Variants in ERI1 observed in about 807,000 individuals in gnomAD.
ERI1 encodes exoribonuclease 1.
Under a neutral mutation model 39.7 loss-of-function variants are expected in ERI1, and 39 were observed. That is an observed-to-expected ratio of 0.98 (90% CI 0.76 to 1.28). The LOEUF is 1.28. ERI1 is among the 50% of genes most tolerant of loss of function. The pLI, the probability that ERI1 is intolerant of heterozygous loss-of-function variation, is 0.00. For missense variants in ERI1, 581 were observed against 416.9 expected (o/e 1.39, Z -3.43); for synonymous variants, 204 against 149.6 (o/e 1.36, Z -2.65).
Position 9,068,458 on chromosome 8 carries a change from T to C in ERI1, n.300-47890T>C, listed in dbSNP as rs559032714. On this transcript the variant is annotated intron_variant and non_coding_transcript_variant, in intron 3 of 3. Transcript: ENST00000518663. The stretch of plus-strand genomic sequence containing the variant: ...CTCAAGTGATCCTCCTGCCTTGGCC[T>C]CCCTAGTAGCTAGAAGTACAGGTGT... Among the ~76,000 whole-genome samples the C allele has an allele frequency of 4.2e-4, 64 of 152,224 alleles. 1 individual carries two copies. The highest frequency in any genetic ancestry group is 7.6e-4 in the Non-Finnish European group (52 of 68,006).
intron 2 of ERI1, 100 bp downstream of exon 2, chr8:9,008,248 T>A: frequency 9.6e-7 from 1 of 1,045,268 alleles, no homozygotes; most frequent in Non-Finnish European, 1.3e-6. Flanking sequence ...AATCCTACCG[T>A]AATGACATGA....
In ERI1 at chr8:9,031,583, A is replaced by G. The variant is rs1563340952; in HGVS notation, c.*1549A>G. The G allele has an allele frequency of 6.6e-6, 1 of 152,242 alleles. No homozygotes were observed. The highest frequency in any genetic ancestry group is 2.4e-5 in the African/African-American group (1 of 41,472). 9.4% of individuals were successfully genotyped at this position (152,242 alleles called of 1,614,324 possible). A position where few individuals can be genotyped will look rare whatever the true frequency, so the allele number is the denominator to read the frequency against. On this transcript the variant is annotated 3_prime_UTR_variant, in exon 7 of 7. Coordinates refer to ENST00000250263, the MANE Select transcript of ERI1 (RefSeq NM_153332.4). Reference sequence around the variant, plus strand: ...ACCTGTAAAGTATTACTGAATACTGAATAGCTGAAACTGCAATTGGAAAAT... The same window carrying G: ...ACCTGTAAAGTATTACTGAATACTGGATAGCTGAAACTGCAATTGGAAAAT...
At chr8:9,067,071 A>C (rs902833985) in intron 3 of ERI1, among the ~76,000 whole-genome samples, 3 of 152,176 alleles carry the variant, frequency 2.0e-5, no homozygotes, top group Non-Finnish European at 4.4e-5. Context: ...AATCATTCTC[A>C]TTGCCCTACC....
downstream of ERI1, among the ~76,000 whole-genome samples, chr8:9,038,164 T>C (rs546793767): frequency 1.3e-5 from 2 of 152,348 alleles, no homozygotes; most frequent in Non-Finnish European, 2.9e-5. Context: ...TACCATCATC[T>C]GCATAGAAAA....
intron 3 of ERI1, among the ~76,000 whole-genome samples, chr8:9,089,272 A>T (rs1049971997): frequency 2.0e-5 from 3 of 152,172 alleles, no homozygotes; most frequent in African/African-American, 4.8e-5. Flanking sequence ...ATTTAATTTT[A>T]AAAATATTTA....
At chr8:9,014,981 G>A (rs537548095) in intron 3 of ERI1, among the ~76,000 whole-genome samples, 6 of 152,214 alleles carry the variant, frequency 3.9e-5, no homozygotes, top group South Asian at 2.1e-4. Context: ...GGAACTATAC[G>A]TGCATGCCAC....
chr8:9,087,872 T>C (rs1233114316), intron 3 of ERI1, among the ~76,000 whole-genome samples: 1 of 152,158 alleles, frequency 6.6e-6, no homozygotes, highest in African/African-American at 2.4e-5. Flanking sequence ...CTGGGTGGGA[T>C]GGTCAATCAC....
chr8:9,004,845 G>A (rs886368771), intron 1 of ERI1, among the ~76,000 whole-genome samples: 7 of 151,832 alleles, frequency 4.6e-5, no homozygotes, highest in Non-Finnish European at 8.8e-5. Flanking sequence ...CCACCACCAC[G>A]CTTGGCTAGT....
chr8:9,027,596 A>G (rs1787913426), intron 6 of ERI1, among the ~76,000 whole-genome samples: 1 of 152,128 alleles, frequency 6.6e-6, no homozygotes, highest in Non-Finnish European at 1.5e-5. Context: ...TATTCTAAGA[A>G]TTTTATAATT....
intron 3 of ERI1, among the ~76,000 whole-genome samples, chr8:9,090,699 G>A (rs1334505679): frequency 1.3e-5 from 2 of 152,180 alleles, no homozygotes; most frequent in African/African-American, 4.8e-5. Context: ...GTTATAGATT[G>A]TGCTTTAGAA....
chr8:9,014,951 C>T lies in ERI1; in HGVS notation c.499-1371C>T, dbSNP rs28428643. ...CTCCTGGGTTCAAGCGATTATCCCA[C>T]CTCAGCTCCTTGAGTAGTTGGAACT... On this transcript the variant is annotated intron_variant, in intron 3 of 6. Coordinates refer to ENST00000250263, the MANE Select transcript of ERI1 (RefSeq NM_153332.4). 7.4e-3 allele frequency among the ~76,000 whole-genome samples: 1,122 copies of T among 152,256 alleles called. 14 individuals carry two copies. The highest frequency in any genetic ancestry group is 0.026 in the African/African-American group (1,078 of 41,540).
At chr8:9,072,970 C>T (rs893468296) in intron 3 of ERI1, among the ~76,000 whole-genome samples, 2 of 152,248 alleles carry the variant, frequency 1.3e-5, no homozygotes, top group Non-Finnish European at 2.9e-5. Flanking sequence ...ATTTTGTGGT[C>T]TAGCTGCTCA....
chr8:9,081,296 T>G (rs1038705085), intron 3 of ERI1, among the ~76,000 whole-genome samples: 2 of 152,188 alleles, frequency 1.3e-5, no homozygotes, highest in Admixed American at 1.3e-4. Context: ...TCACTGGAGA[T>G]TCTTTCAAGA....
chr8:9,025,974 TAGAA>T (rs1818433090), intron 6 of ERI1, among the ~76,000 whole-genome samples: 2 of 152,160 alleles, frequency 1.3e-5, no homozygotes, highest in Admixed American at 1.3e-4. Context: ...ATTGAGCCAT[TAGAA>T]AGCAGAACTG....
chr8:9,044,252 A>G (rs570881434), intron 3 of ERI1, among the ~76,000 whole-genome samples: 1 of 152,336 alleles, frequency 6.6e-6, no homozygotes, highest in East Asian at 1.9e-4. Context: ...TTAGCATGGC[A>G]TGCTGGATGC....
intron 3 of ERI1, among the ~76,000 whole-genome samples, chr8:9,043,481 G>T (rs1489652358): frequency 6.6e-6 from 1 of 152,192 alleles, no homozygotes; most frequent in Non-Finnish European, 1.5e-5. Context: ...TTGGAGTTCA[G>T]GAACATCTCT....
intron 6 of ERI1, among the ~76,000 whole-genome samples, chr8:9,023,188 C>T (rs949604585): frequency 7.3e-5 from 11 of 151,366 alleles, no homozygotes; most frequent in Non-Finnish European, 1.2e-4. Flanking sequence ...CTTTTTCTTC[C>T]CTAGCAGTTT....
At chr8:9,083,340 C>G (rs922468017) in intron 3 of ERI1, among the ~76,000 whole-genome samples, 9 of 152,322 alleles carry the variant, frequency 5.9e-5, no homozygotes, top group Non-Finnish European at 7.3e-5. Flanking sequence ...TACATGGTAT[C>G]TGCCCCCTAA....
chr8:9,068,249 A>G (rs1798943228), intron 3 of ERI1, among the ~76,000 whole-genome samples: 1 of 152,188 alleles, frequency 6.6e-6, no homozygotes, highest in African/African-American at 2.4e-5. Context: ...ATCTCGCCCA[A>G]CACCTTCCCT....
Sources: allele counts gnomAD v4.1 joint callset (sites outside exome capture counted in the v4.1 genomes callset), GRCh38; gene constraint gnomAD v4.1.1; transcripts MANE v1.5; gene names NCBI Gene and HGNC (gene_info 2026-07-23, HGNC 2026-07-21).